ZNF142: variants seen among roughly 807,000 people sequenced by gnomAD.
The protein encoded by ZNF142 is zinc finger protein 142.
In ZNF142, 96 loss-of-function variants were observed where a neutral mutation model predicts 132.1. That is an observed-to-expected ratio of 0.73 (90% CI 0.62 to 0.86). ZNF142 has a LOEUF of 0.86. Ranked by LOEUF, ZNF142 falls within the 40% of genes least tolerant of loss-of-function variation. ZNF142 has a pLI of 0.00. For synonymous variants in ZNF142, 842 were observed against 890.1 expected, an observed-to-expected ratio of 0.95 and a Z score of 0.96; for missense variants, 2,163 against 2,336.2, an observed-to-expected ratio of 0.93 and a Z score of 1.53.
At chr2:218,654,563 A>G (rs13421421) in intron 4 of ZNF142, among the ~76,000 whole-genome samples, 92,816 of 151,454 alleles carry the variant, frequency 0.61, 28,685 homozygotes, top group East Asian at 0.82. Flanking sequence ...GTGGGGTTTC[A>G]CCATCTTGCC....
In ZNF142 at chr2:218,642,542, T is replaced by G. The variant is rs758742480; in HGVS notation, c.4574A>C (p.Glu1525Ala). Residue 1525 changes from glutamate to alanine, a missense_variant, in exon 9 of 11, where the codon GAG becomes GCG. Transcript: ENST00000411696. The surrounding 1 kb of genome is among the most constrained non-coding windows in gnomAD (Gnocchi z 4.6). ...PAPGSPAETTEGPLHCSRCGL... is the reference protein window; with the variant it reads ...PAPGSPAETTAGPLHCSRCGL... ...ACAGCGGGAACAGTGCAGGGGGCCC[T>G]CAGTGGTCTCTGCAGGAGAGCCAGG... 3.2e-5 allele frequency: 52 copies of G among 1,611,710 alleles called. No homozygotes were observed. The South Asian group carries it at 5.1e-4, about 16-fold the overall frequency.
Position 218,636,168 on chromosome 2 carries a change from G to T in ZNF142, c.*2171C>A. 1 of 1,498,770 alleles carries T rather than the reference G, an allele frequency of 6.7e-7. No individual in the cohort carries two copies. The highest frequency in any genetic ancestry group is 1.2e-5 in the South Asian group (1 of 85,772). The allele number at this position is 1,498,770 out of a possible 1,614,324, so 92.8% of individuals were successfully genotyped here. On this transcript the variant is annotated 3_prime_UTR_variant, in exon 11 of 11. Coordinates refer to ENST00000411696, the MANE Select transcript of ZNF142 (RefSeq NM_001379659.1). ...ATGCTGATTGCCATCTAGATTAAAT[G>T]AGAACACAAGAAAAGCAACCCAGTC...
At chr2:218,645,120 A>G (rs1016603939) in intron 8 of ZNF142, 56 bp from the exon 9 acceptor site, 16 of 1,573,088 alleles carry the variant, frequency 1.0e-5, no homozygotes, top group East Asian at 9.0e-5. Flanking sequence ...ACAACTAAGA[A>G]TCAGTCAGTA....
At position 218,638,297 on chromosome 2, in the gene ZNF142, T is replaced by C; in HGVS notation, c.*42A>G. The C allele has an allele frequency of 1.4e-6, 2 of 1,467,704 alleles. No homozygotes were observed. Among genetic ancestry groups the C allele is most frequent in the East Asian group, 2.4e-5 (1 of 41,884 alleles). 90.9% of individuals were successfully genotyped at this position (1,467,704 alleles called of 1,614,324 possible). On this transcript the variant is annotated 3_prime_UTR_variant, in exon 11 of 11. Coordinates refer to ENST00000411696, the MANE Select transcript of ZNF142 (RefSeq NM_001379659.1). The stretch of plus-strand genomic sequence containing the variant: ...TAGCGCTGGTCCCAGTCTGCACATC[T>C]CAGACCATACCCTCTTCCTATACAG...
chr2:218,651,750 C>T lies in ZNF142; in HGVS notation c.831G>A (p.Gln277=). Reference sequence around the variant, plus strand: ...GGCCCTGAACGGCAGAAAGTTCTCCCTGTGTCCCAGCACCATGGCTCCGCT... The same window carrying T: ...GGCCCTGAACGGCAGAAAGTTCTCCTTGTGTCCCAGCACCATGGCTCCGCT... The part of the protein sequence containing the change: ...QHQRSHGAGT[Q]GELSAVQGLP... The change falls in exon 5 of 11, where the codon CAG becomes CAA. Residue 277 remains glutamine, a synonymous_variant. Coordinates refer to ENST00000411696, the MANE Select transcript of ZNF142 (RefSeq NM_001379659.1). 1 of 1,289,786 alleles carries T rather than the reference C, an allele frequency of 7.8e-7. No individual in the cohort carries two copies. The highest frequency in any genetic ancestry group is 1.0e-6 in the Non-Finnish European group (1 of 988,840). The allele number at this position is 1,289,786 out of a possible 1,614,324, so 79.9% of individuals were successfully genotyped here. A position where few individuals can be genotyped will look rare whatever the true frequency, so the allele number is the denominator to read the frequency against.
In ZNF142 at chr2:218,642,162, A is replaced by T; in HGVS notation, c.4954T>A (p.Tyr1652Asn). 6.2e-7 allele frequency: 1 copy of T among 1,614,160 alleles called. No homozygotes were observed. Among genetic ancestry groups the T allele is most frequent in the Non-Finnish European group, 8.5e-7 (1 of 1,180,028 alleles). Residue 1652 changes from tyrosine (Y) to asparagine (N), a missense_variant, in exon 9 of 11, where the codon TAC (tyrosine) becomes AAC (asparagine). By Grantham distance (143) the Tyr-to-Asn change is moderately radical. Transcript: ENST00000411696. This position sits in a 1 kb window ranked among gnomAD's most constrained non-coding sequence, Gnocchi z 4.6. ...CTGTAAGCACAATCGGTGCACTTGT[A>T]GAGACGAGTGCCCCCATGCCCTTTC... ...HVKGHGGTRL[Y>N]KCTDCAYSTK...
In ZNF142 at chr2:218,659,587, G is replaced by C. The variant is rs953894576; in HGVS notation, c.-580C>G. 1 of 152,278 alleles carries C rather than the reference G, an allele frequency of 6.6e-6. No individual in the cohort carries two copies. The highest frequency in any genetic ancestry group is 2.4e-5 in the African/African-American group (1 of 41,432). 9.4% of individuals were successfully genotyped at this position (152,278 alleles called of 1,614,324 possible). A position where few individuals can be genotyped will look rare whatever the true frequency, so the allele number is the denominator to read the frequency against. On this transcript the variant is annotated 5_prime_UTR_variant, in exon 1 of 11. Coordinates refer to ENST00000411696, the MANE Select transcript of ZNF142 (RefSeq NM_001379659.1). This position sits in a 1 kb window ranked among gnomAD's most constrained non-coding sequence, Gnocchi z 4.4. ...CACCCCCACTCCAGCCCTGAAGCCG[G>C]AGAAGCACCATCGAGAGCTCTGGGG...
chr2:218,647,480 C>T (rs1251305247), intron 7 of ZNF142, among the ~76,000 whole-genome samples: 3 of 145,366 alleles, frequency 2.1e-5, no homozygotes, highest in African/African-American at 7.6e-5. Context: ...GAGGCAGGTG[C>T]TATTATCACC....
At position 218,658,711 on chromosome 2, in the gene ZNF142, C is replaced by G. The variant is rs1938903096; in HGVS notation, c.-45G>C. ...GCAGCCTCCACTTACTGAATATTAT[C>G]GCTGTTCTGGGGAATCTTCAAGCTT... On this transcript the variant is annotated 5_prime_UTR_variant, in exon 3 of 11. Transcript: ENST00000411696. 6.6e-6 allele frequency: 1 copy of G among 152,136 alleles called. No homozygotes were observed. Among genetic ancestry groups the G allele is most frequent in the South Asian group, 2.1e-4 (1 of 4,816 alleles). 9.4% of individuals were successfully genotyped at this position (152,136 alleles called of 1,614,324 possible).
Position 218,636,443 on chromosome 2 carries a change from C to T in ZNF142, c.*1896G>A. On this transcript the variant is annotated 3_prime_UTR_variant, in exon 11 of 11. Coordinates refer to ENST00000411696, the MANE Select transcript of ZNF142 (RefSeq NM_001379659.1). ...CCAATACCCCAGCTCTGGCTGCCTT[C>T]CTAATGCTGTCCTCCTGCCCCTTCC... is the stretch of plus-strand genomic sequence containing the variant. The T allele has an allele frequency of 6.2e-7, 1 of 1,614,012 alleles. No individual in the cohort carries two copies. Among genetic ancestry groups the T allele is most frequent in the Non-Finnish European group, 8.5e-7 (1 of 1,179,874 alleles).
In ZNF142 at chr2:218,636,759, T is replaced by A. The variant is rs1358282110; in HGVS notation, c.*1580A>T. 1.4e-6 allele frequency: 1 copy of A among 693,054 alleles called. No individual in the cohort carries two copies. Among genetic ancestry groups the A allele is most frequent in the African/African-American group, 1.8e-5 (1 of 55,558 alleles). The allele number at this position is 693,054 out of a possible 1,614,324, so 42.9% of individuals were successfully genotyped here. ...GGGACCTGATTTTCCACCTTTTTTC[T>A]CTTTTCTTCCCTTCCTTTGTTTTCA... On this transcript the variant is annotated 3_prime_UTR_variant, in exon 11 of 11. Coordinates refer to ENST00000411696, the MANE Select transcript of ZNF142 (RefSeq NM_001379659.1).
In ZNF142 at chr2:218,642,310, C is replaced by G. The variant is rs371019300; in HGVS notation, c.4806G>C (p.Gln1602His). The change falls in exon 9 of 11, where the codon CAG (glutamine) becomes CAC (histidine). Residue 1602 changes from glutamine to histidine, a missense_variant. Gln to His is a conservative substitution (Grantham distance 24). Around this residue, in one of 7 missense-constraint regions of ZNF142, gnomAD observed 17 missense variants for 35.9 expected, o/e 0.47. Coordinates refer to ENST00000411696, the MANE Select transcript of ZNF142 (RefSeq NM_001379659.1). The surrounding 1 kb of genome is among the most constrained non-coding windows in gnomAD (Gnocchi z 4.6). ...RVGLVKHYLE[Q>H]HEETSAAVAA... The stretch of plus-strand genomic sequence containing the variant: ...CCACGGCTGCTGAAGTCTCCTCATG[C>G]TGTTCCAGGTAGTGCTTTACCAGGC... 15 of 1,613,926 alleles carry G rather than the reference C, an allele frequency of 9.3e-6. No homozygotes were observed. Among genetic ancestry groups the G allele is most frequent in the Non-Finnish European group, 1.3e-5 (15 of 1,180,054 alleles).
Position 218,638,823 on chromosome 2 carries a change from A to C in ZNF142, c.5195-15T>G, listed in dbSNP as rs763644004. On this transcript the variant is annotated splice_polypyrimidine_tract_variant and intron_variant, in intron 10 of 10. Transcript: ENST00000411696. Reference sequence around the variant, plus strand: ...TGGCTTCAGTCCTACAGGACAGGGAACAAATCACCATTGAAAGGCGGTGGA... The same window carrying C: ...TGGCTTCAGTCCTACAGGACAGGGACCAAATCACCATTGAAAGGCGGTGGA... 4.5e-5 allele frequency: 71 copies of C among 1,569,628 alleles called. No individual in the cohort carries two copies. The highest frequency in any genetic ancestry group is 5.7e-5 in the Non-Finnish European group (66 of 1,161,042).
In ZNF142 at chr2:218,643,340, C is replaced by G. The variant is rs368247244; in HGVS notation, c.3776G>C (p.Arg1259Pro). The change falls in exon 9 of 11, where the codon CGA becomes CCA. Residue 1259 changes from arginine (R) to proline (P), a missense_variant. Physicochemically the swap from Arg to Pro is moderately radical, Grantham distance 103. Coordinates refer to ENST00000411696, the MANE Select transcript of ZNF142 (RefSeq NM_001379659.1). ...CRGGRGGGGK[R>P]GTPQTQPDVS... is the part of the protein sequence containing the mutation. ...ATCAGGCTGGGTCTGGGGGGTCCCT[C>G]GTTTTCCTCCCCCGCCACGTCCCCC... 1 of 1,614,144 alleles carries G rather than the reference C, an allele frequency of 6.2e-7. No individual in the cohort carries two copies. The highest frequency in any genetic ancestry group is 1.1e-5 in the South Asian group (1 of 91,082).
chr2:218,648,257 G>A (rs188413116), intron 7 of ZNF142, among the ~76,000 whole-genome samples: 299 of 152,300 alleles, frequency 2.0e-3, no homozygotes, highest in African/African-American at 7.0e-3. Flanking sequence ...CAGTCCCCTC[G>A]CCCGTCTCTC....
At position 218,649,262 on chromosome 2, in the gene ZNF142, C is replaced by T. The variant is rs1423818988; in HGVS notation, c.1246G>A (p.Glu416Lys). 3 of 1,614,156 alleles carry T rather than the reference C, an allele frequency of 1.9e-6. No homozygotes were observed. In the African/African-American group the frequency reaches 4.0e-5, roughly 22 times the overall value. ...CACAGTGGGCAGTGGTGGGCCTTTT[C>T]ACCCAGCTCCCGCAGCAGATGGGTC... ...LKTHLLRELG[E>K]KAHHCPLCHY... The change falls in exon 7 of 11, where the codon GAA becomes AAA. Residue 416 changes from glutamate to lysine, a missense_variant. Around this residue, in one of 7 missense-constraint regions of ZNF142, gnomAD observed 749 missense variants for 830.3 expected, o/e 0.90. Coordinates refer to ENST00000411696, the MANE Select transcript of ZNF142 (RefSeq NM_001379659.1).
chr2:218,641,248 T>TC (rs1697164341), intron 9 of ZNF142, among the ~76,000 whole-genome samples: 1 of 146,776 alleles, frequency 6.8e-6, no homozygotes, highest in African/African-American at 2.5e-5. Flanking sequence ...CGATAATTTT[T>TC]TTTTTTTTTT....
rs1182638382 is a variant in ZNF142 at position 218,644,034 on chromosome 2, C to T, written c.3082G>A (p.Val1028Met). 2 of 1,614,126 alleles carry T rather than the reference C, an allele frequency of 1.2e-6. No homozygotes were observed. Among genetic ancestry groups the T allele is most frequent in the African/African-American group, 1.3e-5 (1 of 75,002 alleles). Residue 1028 changes from valine (V) to methionine (M), a missense_variant, in exon 9 of 11, where the codon GTG (valine) becomes ATG (methionine). Val to Met is a conservative substitution (Grantham distance 21). Coordinates refer to ENST00000411696, the MANE Select transcript of ZNF142 (RefSeq NM_001379659.1). The surrounding 1 kb of genome is among the most constrained non-coding windows in gnomAD (Gnocchi z 4.6). ...LVLEGRVQMV[V>M]IQGEGRAFRC... ...AAGGCTCGCCCCTCTCCCTGGATCACTACCATCTGCACCCGCCCCTCTAGC... is the reference window on the plus strand; with the variant it reads ...AAGGCTCGCCCCTCTCCCTGGATCATTACCATCTGCACCCGCCCCTCTAGC...
In ZNF142 at chr2:218,651,746, CTCCCTGT is replaced by C; in HGVS notation, c.828_834del (p.Gln277AsnfsTer45). 7.8e-7 allele frequency: 1 copy of C among 1,289,692 alleles called. No individual in the cohort carries two copies. Among genetic ancestry groups the C allele is most frequent in the Non-Finnish European group, 1.0e-6 (1 of 988,788 alleles). The allele number at this position is 1,289,692 out of a possible 1,614,324, so 79.9% of individuals were successfully genotyped here. On this transcript the variant is annotated frameshift_variant, in exon 5 of 11. Coordinates refer to ENST00000411696, the MANE Select transcript of ZNF142 (RefSeq NM_001379659.1). LOFTEE classifies it high-confidence loss of function. ...GGAAGGCCCTGAACGGCAGAAAGTT[CTCCCTGT>C]GTCCCAGCACCATGGCTCCGCTGAT...
Sources: allele counts gnomAD v4.1 joint callset (sites outside exome capture counted in the v4.1 genomes callset), GRCh38; gene constraint gnomAD v4.1.1; regional missense constraint gnomAD v4.1.1; non-coding constraint Gnocchi (gnomAD v3.1); transcripts MANE v1.5; gene names NCBI Gene and HGNC (gene_info 2026-07-23, HGNC 2026-07-21).